Variants in ADAMDEC1 observed in about 807,000 individuals in gnomAD.
ADAMDEC1 encodes ADAM like decysin 1, also known as ADAM DEC1.
In ADAMDEC1, 62 loss-of-function variants were observed where a neutral mutation model predicts 60.4. The observed-to-expected ratio is 1.03, with a 90% CI of 0.84 to 1.27. ADAMDEC1 has a LOEUF of 1.27. Among genes scored for constraint, ADAMDEC1 ranks in the 50% most tolerant of loss-of-function variants. ADAMDEC1 has a pLI of 0.00. For missense variants in ADAMDEC1, 595 were observed against 565.0 expected, an observed-to-expected ratio of 1.05 and a Z score of -0.54; for synonymous variants, 210 against 195.1, an observed-to-expected ratio of 1.08 and a Z score of -0.64.
chr8:24,399,002 C>T lies in ADAMDEC1; in HGVS notation c.891C>T (p.Asn297=), dbSNP rs1234684818. The T allele has an allele frequency of 6.2e-7, 1 of 1,613,604 alleles. No homozygotes were observed. The highest frequency in any genetic ancestry group is 1.1e-5 in the South Asian group (1 of 91,038). Reference sequence around the variant, plus strand: ...ACTTCCTGAGATGGCACAGTTCTAACCTGGGGAAAAAGATCCACGACCATG... The same window carrying T: ...ACTTCCTGAGATGGCACAGTTCTAATCTGGGGAAAAAGATCCACGACCATG... The part of the protein sequence containing the change: ...FDNFLRWHSS[N]LGKKIHDHAQ... The change falls in exon 9 of 14, where the codon AAC becomes AAT. Residue 297 remains asparagine (N), a synonymous_variant. Coordinates refer to ENST00000256412, the MANE Select transcript of ADAMDEC1 (RefSeq NM_014479.3).
chr8:24,384,444 G>T lies in ADAMDEC1; in HGVS notation c.-61G>T. On this transcript the variant is annotated 5_prime_UTR_variant, in exon 1 of 14. Transcript: ENST00000256412. ...GAAAAGTGGGGGTTTTAATTTTCTT[G>T]TTCAACTTCTAAAGAGAAATTGGAG... The T allele has an allele frequency of 7.3e-7, 1 of 1,365,396 alleles. No individual in the cohort carries two copies. Among genetic ancestry groups the T allele is most frequent in the South Asian group, 1.4e-5 (1 of 72,616 alleles). 84.6% of individuals were successfully genotyped at this position (1,365,396 alleles called of 1,614,324 possible).
At chr8:24,392,571 A>G (rs773065125) in intron 2 of ADAMDEC1, among the ~76,000 whole-genome samples, 191 bp downstream of exon 2, 28 of 152,214 alleles carry the variant, frequency 1.8e-4, no homozygotes, top group Non-Finnish European at 4.4e-5. Flanking sequence ...AGCAGCAGAG[A>G]GTCAACAGCC....
chr8:24,388,478 C>T (rs1403864243), intron 1 of ADAMDEC1, among the ~76,000 whole-genome samples: 1 of 152,072 alleles, frequency 6.6e-6, no homozygotes, highest in Non-Finnish European at 1.5e-5. Context: ...TCCTCTCTTT[C>T]TTTCTCTGCC....
chr8:24,397,652 G>T, intron 6 of ADAMDEC1, 31 bp from the exon 7 acceptor site: 2 of 1,589,700 alleles, frequency 1.3e-6, no homozygotes, highest in South Asian at 2.2e-5. Flanking sequence ...TAAAGATAAT[G>T]ATTAACAATG....
rs374231821 is a variant in ADAMDEC1 at position 24,405,313 on chromosome 8, T to G, written c.*15T>G. 1 of 1,612,664 alleles carries G rather than the reference T, an allele frequency of 6.2e-7. No individual in the cohort carries two copies. The highest frequency in any genetic ancestry group is 1.3e-5 in the African/African-American group (1 of 75,006). ...TCAGAGAGTGAATCCAAAAGTCTGC[T>G]TCACTGAGATGCTACCTTGCCAGGA... is the stretch of plus-strand genomic sequence containing the variant. On this transcript the variant is annotated 3_prime_UTR_variant, in exon 14 of 14. Transcript: ENST00000256412.
chr8:24,398,509 G>A lies in ADAMDEC1; in HGVS notation c.720G>A (p.Leu240=). 1 of 1,599,646 alleles carries A rather than the reference G, an allele frequency of 6.3e-7. No homozygotes were observed. The highest frequency in any genetic ancestry group is 1.7e-5 in the Admixed American group (1 of 57,790). Residue 240 remains leucine (L), a synonymous_variant, in exon 8 of 14, where the codon CTG becomes CTA. Transcript: ENST00000256412. ...FYKNYNENLT[L]IRSFVFDVMN... is the part of the protein sequence containing the mutation. ...AGAACTATAATGAGAATCTAACTCT[G>A]ATAAGAAGCTTTGTGTTTGATGTGA...
chr8:24,396,489 G>A (rs1377910698), intron 5 of ADAMDEC1, among the ~76,000 whole-genome samples: 3 of 152,114 alleles, frequency 2.0e-5, no homozygotes, highest in Admixed American at 2.0e-4. Context: ...TCTAGCTTGG[G>A]CGACAGAGCG....
At chr8:24,398,627 A>G in intron 8 of ADAMDEC1, 76 bp downstream of exon 8, 1 of 1,172,814 alleles carries the variant, frequency 8.5e-7, no homozygotes, top group Non-Finnish European at 1.2e-6. Flanking sequence ...GATTTCACCA[A>G]CAAGAAGTTA....
chr8:24,384,508 C>T lies in ADAMDEC1; in HGVS notation c.4C>T (p.Leu2=). Residue 2 remains leucine (L), a synonymous_variant, in exon 1 of 14, where the codon CTG becomes TTG. Coordinates refer to ENST00000256412, the MANE Select transcript of ADAMDEC1 (RefSeq NM_014479.3). M[L]RGISQLPAVA... is the part of the protein sequence containing the mutation. ...ACACTGGGGAGACCACAACTTCATG[C>T]TGCGTGGGATCTCCCAGCTACCTGC... is the stretch of plus-strand genomic sequence containing the variant. The T allele has an allele frequency of 1.2e-6, 2 of 1,605,880 alleles. No individual in the cohort carries two copies. The highest frequency in any genetic ancestry group is 2.2e-5 in the East Asian group (1 of 44,482).
At chr8:24,393,191 C>A in intron 2 of ADAMDEC1, 71 bp from the exon 3 acceptor site, 1 of 906,328 alleles carries the variant, frequency 1.1e-6, no homozygotes, top group South Asian at 2.0e-5. Flanking sequence ...TCTTCTAATA[C>A]ATACTACATA....
rs1325414202 is a variant in ADAMDEC1 at position 24,397,312 on chromosome 8, T to A, written c.483T>A (p.Pro161=). The A allele has an allele frequency of 2.5e-6, 4 of 1,613,696 alleles. No homozygotes were observed. ...THHHQRYQIK[P]LKSTDEKEHA... ...ATCACCAAAGATACCAGATAAAACCTCTGAAAAGCACAGACGAGAAAGAAC... is the reference window on the plus strand; with the variant it reads ...ATCACCAAAGATACCAGATAAAACCACTGAAAAGCACAGACGAGAAAGAAC... Residue 161 remains proline (P), a synonymous_variant, in exon 6 of 14, where the codon CCT becomes CCA. Transcript: ENST00000256412.
rs61752046 is a variant in ADAMDEC1 at position 24,393,319 on chromosome 8, C to T, written c.265C>T (p.Leu89Phe). The change falls in exon 3 of 14, where the codon CTC becomes TTC. Residue 89 changes from leucine to phenylalanine, a missense_variant. Physicochemically the swap from Leu to Phe is conservative, Grantham distance 22 (BLOSUM62 0). Transcript: ENST00000256412. ...QMILNGEEII[L>F]SLQKTKHLLG... ...GATCTTAAATGGAGAAGAAATCATTCTCTCCCTACAAAAAACCAAGTAAGT... is the reference window on the plus strand; with the variant it reads ...GATCTTAAATGGAGAAGAAATCATTTTCTCCCTACAAAAAACCAAGTAAGT... 6.2e-7 allele frequency: 1 copy of T among 1,603,260 alleles called. No homozygotes were observed. The highest frequency in any genetic ancestry group is 8.5e-7 in the Non-Finnish European group (1 of 1,173,244).
intron 2 of ADAMDEC1, among the ~76,000 whole-genome samples, chr8:24,392,927 T>C (rs1817488067): frequency 7.1e-6 from 1 of 141,152 alleles, no homozygotes; most frequent in African/African-American, 2.6e-5. Flanking sequence ...TTTAATTTAA[T>C]GTATTTAGTT....
chr8:24,396,342 C>T (rs1424789972), intron 5 of ADAMDEC1, among the ~76,000 whole-genome samples: 1 of 152,028 alleles, frequency 6.6e-6, no homozygotes, highest in Non-Finnish European at 1.5e-5. Flanking sequence ...AACCCCATCT[C>T]TACTAAAAAT....
chr8:24,386,534 C>T lies in ADAMDEC1; in HGVS notation c.88+1942C>T, dbSNP rs114282890. ...TTCTGCCATATTCACCAATCTACTG[C>T]TCCTTGTCCCTATATGATCAGCCTT... On this transcript the variant is annotated intron_variant, in intron 1 of 13. Coordinates refer to ENST00000256412, the MANE Select transcript of ADAMDEC1 (RefSeq NM_014479.3). Among the ~76,000 whole-genome samples, 697 of 152,272 alleles carry T rather than the reference C, an allele frequency of 4.6e-3. 3 individuals carry two copies. The highest frequency in any genetic ancestry group is 0.016 in the African/African-American group (646 of 41,576).
chr8:24,396,130 C>A (rs1817603865), intron 5 of ADAMDEC1, among the ~76,000 whole-genome samples: 1 of 152,178 alleles, frequency 6.6e-6, no homozygotes. Flanking sequence ...CACAGTTGAA[C>A]TTAATTTTAG....
rs1336552307 is a variant in ADAMDEC1 at position 24,400,133 on chromosome 8, T to TA, written c.1012-30dup. 13 of 1,463,510 alleles carry TA rather than the reference T, an allele frequency of 8.9e-6. No homozygotes were observed. The Admixed American group carries it at 2.1e-4, about 24-fold the overall frequency. The allele number at this position is 1,463,510 out of a possible 1,614,324, so 90.7% of individuals were successfully genotyped here. On this transcript the variant is annotated intron_variant, in intron 10 of 13. Coordinates refer to ENST00000256412, the MANE Select transcript of ADAMDEC1 (RefSeq NM_014479.3). Reference sequence around the variant, plus strand: ...GTACTGCACATTGGCAACAATTAAATAAAAAAAGAATAAATAAATATATCT... The same window carrying TA: ...GTACTGCACATTGGCAACAATTAAATAAAAAAAAGAATAAATAAATATATCT...
In ADAMDEC1 at chr8:24,404,001, A is replaced by C; in HGVS notation, c.1321-2A>C. Reference sequence around the variant, plus strand: ...TTTTTCCATTGTGTGTGTGCTTTGAAGGAGTGTACCAATCTCTGCTGTGAA... The same window carrying C: ...TTTTTCCATTGTGTGTGTGCTTTGACGGAGTGTACCAATCTCTGCTGTGAA... On this transcript the variant is annotated splice_acceptor_variant, in intron 12 of 13. Coordinates refer to ENST00000256412, the MANE Select transcript of ADAMDEC1 (RefSeq NM_014479.3). LOFTEE classifies it high-confidence loss of function. 6.2e-7 allele frequency: 1 copy of C among 1,612,844 alleles called. No individual in the cohort carries two copies. The highest frequency in any genetic ancestry group is 1.3e-5 in the African/African-American group (1 of 75,002).
At chr8:24,399,331 A>G (rs930803320) in intron 9 of ADAMDEC1, 62 bp from the exon 10 acceptor site, 2 of 1,522,516 alleles carry the variant, frequency 1.3e-6, no homozygotes, top group South Asian at 2.2e-5. Flanking sequence ...AATGTAATTA[A>G]CAAAAGCTAA....
Sources: gnomAD v4.1 joint callset for allele counts (sites outside exome capture counted in the v4.1 genomes callset) on GRCh38, gnomAD v4.1.1 for gene constraint, MANE v1.5 for transcripts, NCBI Gene and HGNC (gene_info 2026-07-23, HGNC 2026-07-21) for gene names.